The following BRD2 variants were observed in gnomAD, a reference collection of about 807,000 sequenced individuals.
The protein encoded by BRD2 is bromodomain-containing protein 2.
A neutral mutation model predicts 79.1 loss-of-function variants in BRD2; 15 were observed. The ratio of observed to expected loss-of-function variants is 0.19; its 90% CI spans 0.13 to 0.29. BRD2 has a LOEUF of 0.29. BRD2 is among the 10% of genes least tolerant of loss of function. The pLI, the probability that BRD2 is intolerant of heterozygous loss-of-function variation, is 1.00. For synonymous variants in BRD2, 488 were observed against 358.6 expected, an observed-to-expected ratio of 1.36 and a Z score of -4.08; for missense variants, 1,053 against 991.3, an observed-to-expected ratio of 1.06 and a Z score of -0.84.
rs375635536 is a variant in BRD2, at chr6:32,980,396, G to A, written c.2201G>A (p.Arg734Gln). ...GAGGAACTGGCTTTGGAGAAAAAGC[G>A]GGAATTAGAAAAGCGGTTACAAGAT... Reference protein sequence around the residue: ...TKEELALEKKRELEKRLQDVS... With the variant: ...TKEELALEKKQELEKRLQDVS... Residue 734 changes from arginine (R) to glutamine (Q), a missense_variant, in exon 12 of 13, where the codon CGG (arginine) becomes CAG (glutamine). Transcript: ENST00000374825. 35 of 1,612,924 alleles carry A rather than the reference G, an allele frequency of 2.2e-5. No individual in the cohort carries two copies. The highest frequency in any genetic ancestry group is 8.0e-5 in the African/African-American group (6 of 74,898).
chr6:32,975,624 G>C, intron 4 of BRD2, 103 bp downstream of exon 4: 2 of 1,446,776 alleles, frequency 1.4e-6, no homozygotes, highest in East Asian at 2.3e-5. Context: ...TGCTACTGAA[G>C]GTGTTATCCA....
At position 32,978,370 on chromosome 6, in the gene BRD2, C is replaced by T. The variant is rs1004239721; in HGVS notation, c.1823C>T (p.Ser608Phe). Residue 608 changes from serine to phenylalanine, a missense_variant, in exon 10 of 13, where the codon TCT becomes TTT. By Grantham distance (155) the Ser-to-Phe change is radical (BLOSUM62 -2). This residue lies in a region of BRD2 where 454 missense variants were observed against 430.5 expected (regional missense o/e 1.05). Transcript: ENST00000374825. ...TTAGGCCCTTCTGGCTTTGGACCTT[C>T]TGGAGGAAGTGGCACCAAGTGAGTT... The part of the protein sequence containing the change: ...AALGPSGFGP[S>F]GGSGTKLPKK... The T allele has an allele frequency of 6.2e-7, 1 of 1,612,478 alleles. No homozygotes were observed.
In BRD2 at chr6:32,977,096, G is replaced by C. The variant is rs1013428167; in HGVS notation, c.1200+160G>C. ...AGAAGGTCTGGTGTTTTGAGAATTTGTATTTCTTGGAGTTTGAAACAGTAG... is the reference window on the plus strand; with the variant it reads ...AGAAGGTCTGGTGTTTTGAGAATTTCTATTTCTTGGAGTTTGAAACAGTAG... On this transcript the variant is annotated intron_variant, in intron 7 of 12. Transcript: ENST00000374825. 3.5e-5 allele frequency: 44 copies of C among 1,255,728 alleles called. No homozygotes were observed. In the Middle Eastern group the frequency reaches 6.5e-4, roughly 19 times the overall value. The allele number at this position is 1,255,728 out of a possible 1,614,324, so 77.8% of individuals were successfully genotyped here. A position where few individuals can be genotyped will look rare whatever the true frequency, so the allele number is the denominator to read the frequency against.
chr6:32,978,569 CAG>C (rs1779087112), intron 10 of BRD2, 181 bp downstream of exon 10: 3 of 1,023,096 alleles, frequency 2.9e-6, no homozygotes, highest in Admixed American at 2.8e-5. Context: ...TTACCACAGA[CAG>C]GGTTTGAGGG....
At chr6:32,975,282 G>C in intron 3 of BRD2, 102 bp from the exon 4 acceptor site, 1 of 1,028,394 alleles carries the variant, frequency 9.7e-7, no homozygotes, top group Non-Finnish European at 1.4e-6. Flanking sequence ...GATGCATAGG[G>C]GGGGTGTGTG....
In BRD2 at chr6:32,980,284, G is replaced by T. The variant is rs1199705093; in HGVS notation, c.2147-58G>T. On this transcript the variant is annotated intron_variant, in intron 11 of 12. Coordinates refer to ENST00000374825, the MANE Select transcript of BRD2 (RefSeq NM_005104.4). ...AGAAGGGAACTTGGGAACCTTAGGGGCCCATAATAAGATGCTTGGGGCAAT... is the reference window on the plus strand; with the variant it reads ...AGAAGGGAACTTGGGAACCTTAGGGTCCCATAATAAGATGCTTGGGGCAAT... 5.6e-6 allele frequency: 9 copies of T among 1,603,138 alleles called. No homozygotes were observed. The East Asian group carries it at 6.7e-5, about 12-fold the overall frequency.
In BRD2 at chr6:32,972,240, A is replaced by G. The variant is rs1331181480; in HGVS notation, c.-659A>G. 3 of 482,466 alleles carry G rather than the reference A, an allele frequency of 6.2e-6. No individual in the cohort carries two copies. Among genetic ancestry groups the G allele is most frequent in the South Asian group, 2.0e-5 (1 of 49,874 alleles). The allele number at this position is 482,466 out of a possible 1,614,324, so 29.9% of individuals were successfully genotyped here. A position where few individuals can be genotyped will look rare whatever the true frequency, so the allele number is the denominator to read the frequency against. ...TGGAGCAGCCTCTAGAACGAGCTGG[A>G]GGATTCTGCCTACCGATACAGAGCC... On this transcript the variant is annotated 5_prime_UTR_variant, in exon 2 of 13. Coordinates refer to ENST00000374825, the MANE Select transcript of BRD2 (RefSeq NM_005104.4).
At chr6:32,975,285 G>GGGTGT (rs1778581394) in intron 3 of BRD2, 99 bp from the exon 4 acceptor site, 2 of 692,626 alleles carry the variant, frequency 2.9e-6, no homozygotes, top group Non-Finnish European at 4.5e-6. Flanking sequence ...GCATAGGGGG[G>GGGTGT]GTGTGTGTGT....
intron 1 of BRD2, chr6:32,969,263 T>G: frequency 2.9e-6 from 2 of 694,324 alleles, no homozygotes; most frequent in Non-Finnish European, 5.4e-6. Context: ...GCCTCATGCC[T>G]CCGTACCCAT....
rs1034465826 is a variant in BRD2, at chr6:32,981,426, A to G, written c.*708A>G. The G allele has an allele frequency of 6.6e-6, 1 of 152,234 alleles. No homozygotes were observed. The highest frequency in any genetic ancestry group is 1.5e-5 in the Non-Finnish European group (1 of 68,038). The allele number at this position is 152,234 out of a possible 1,614,324, so 9.4% of individuals were successfully genotyped here. On this transcript the variant is annotated 3_prime_UTR_variant, in exon 13 of 13. Transcript: ENST00000374825. ...AGTGAGAAAAGGCAATAGCTAACCTATAATTGGATTGTCTTAATTTTTAAA... is the reference window on the plus strand; with the variant it reads ...AGTGAGAAAAGGCAATAGCTAACCTGTAATTGGATTGTCTTAATTTTTAAA...
Position 32,972,922 on chromosome 6 carries a change from C to T in BRD2, c.24C>T (p.His8=), listed in dbSNP as rs554586362. 1.1e-5 allele frequency: 17 copies of T among 1,614,070 alleles called. No homozygotes were observed. The South Asian group carries it at 1.8e-4, about 17-fold the overall frequency. Residue 8 remains histidine, a synonymous_variant, in exon 2 of 13, where the codon CAC becomes CAT. Transcript: ENST00000374825. ...AGATGCTGCAAAACGTGACTCCCCA[C>T]AATAAGTACGTTTCCGCGAGCCGCG... MLQNVTP[H]NKLPGEGNAG... is the part of the protein sequence containing the mutation.
chr6:32,976,438 G>C lies in BRD2; in HGVS notation c.799G>C (p.Ala267Pro). The change falls in exon 6 of 13, where the codon GCT (alanine) becomes CCT (proline). Residue 267 changes from alanine (A) to proline (P), a missense_variant. Around this residue, in one of 5 missense-constraint regions of BRD2, gnomAD observed 413 missense variants for 335.1 expected, o/e 1.23. Coordinates refer to ENST00000374825, the MANE Select transcript of BRD2 (RefSeq NM_005104.4). Reference protein sequence around the residue: ...AGPPLLAVTAAPPAQPLAKKK... With the variant: ...AGPPLLAVTAPPPAQPLAKKK... ...ACCCCCGCTCCTTGCTGTTACTGCA[G>C]CTCCTCCAGCCCAGCCCCTTGCCAA... The C allele has an allele frequency of 6.2e-7, 1 of 1,611,048 alleles. No individual in the cohort carries two copies. The highest frequency in any genetic ancestry group is 1.1e-5 in the South Asian group (1 of 91,086).
In BRD2 at chr6:32,980,148, G is replaced by C. The variant is rs1026633834; in HGVS notation, c.2146+16G>C. ...AAGCCCTACAGTACGTATGAAATGA[G>C]GTTCATCTCATGGTTCTGAGGACAG... On this transcript the variant is annotated intron_variant, in intron 11 of 12. Transcript: ENST00000374825. The C allele has an allele frequency of 9.3e-6, 15 of 1,605,752 alleles. No individual in the cohort carries two copies. The highest frequency in any genetic ancestry group is 1.7e-5 in the Admixed American group (1 of 59,286).
intron 10 of BRD2, 192 bp downstream of exon 10, chr6:32,978,580 GGGATGGTTTTTGGGATGAAA>G: frequency 1.1e-6 from 1 of 917,884 alleles, no homozygotes. Flanking sequence ...AGGGTTTGAG[GGGATGGTTTTTGGGATGAAA>G]CTGTTCCACC....
rs1386264578 is a variant in BRD2 at position 32,980,912 on chromosome 6, A to T, written c.*194A>T. Reference sequence around the variant, plus strand: ...GAAGGAGGGACATGGACAAAACAACATTGAATTCCCAGCCCCATTGGGGAG... The same window carrying T: ...GAAGGAGGGACATGGACAAAACAACTTTGAATTCCCAGCCCCATTGGGGAG... On this transcript the variant is annotated 3_prime_UTR_variant, in exon 13 of 13. Coordinates refer to ENST00000374825, the MANE Select transcript of BRD2 (RefSeq NM_005104.4). 4.6e-6 allele frequency: 3 copies of T among 646,506 alleles called. No homozygotes were observed. Among genetic ancestry groups the T allele is most frequent in the Non-Finnish European group, 7.8e-6 (3 of 382,920 alleles). 40.0% of individuals were successfully genotyped at this position (646,506 alleles called of 1,614,324 possible).
intron 10 of BRD2, 78 bp downstream of exon 10, chr6:32,978,466 A>G: frequency 6.5e-7 from 1 of 1,546,360 alleles, no homozygotes; most frequent in Non-Finnish European, 8.7e-7. Context: ...TTGCAAAGAT[A>G]ATTCTAAATG....
At chr6:32,979,200 C>T (rs760042585) in intron 10 of BRD2, 6 of 158,804 alleles carry the variant, frequency 3.8e-5, no homozygotes, top group South Asian at 1.3e-4. Flanking sequence ...TACAGGCATG[C>T]GCCACCACGC....
At position 32,978,386 on chromosome 6, in the gene BRD2, C is replaced by T; in HGVS notation, c.1839C>T (p.Thr613=). 2 of 1,611,800 alleles carry T rather than the reference C, an allele frequency of 1.2e-6. No individual in the cohort carries two copies. The highest frequency in any genetic ancestry group is 1.7e-6 in the Non-Finnish European group (2 of 1,179,556). The change falls in exon 10 of 13, where the codon ACC becomes ACT. Residue 613 remains threonine, a splice_region_variant and synonymous_variant. Coordinates refer to ENST00000374825, the MANE Select transcript of BRD2 (RefSeq NM_005104.4). The stretch of plus-strand genomic sequence containing the variant: ...TTGGACCTTCTGGAGGAAGTGGCAC[C>T]AAGTGAGTTAGAGTAGGAAGCAGAG... The part of the protein sequence containing the change: ...SGFGPSGGSG[T]KLPKKATKTA...
Position 32,981,341 on chromosome 6 carries a change from A to G in BRD2, c.*623A>G, listed in dbSNP as rs1346536535. ...GAGTTACCTTAATATTTGCTTTTGT[A>G]GTGTTTCAAAAGGAACATCATAAGA... On this transcript the variant is annotated 3_prime_UTR_variant, in exon 13 of 13. Coordinates refer to ENST00000374825, the MANE Select transcript of BRD2 (RefSeq NM_005104.4). 1 of 152,200 alleles carries G rather than the reference A, an allele frequency of 6.6e-6. No homozygotes were observed. The highest frequency in any genetic ancestry group is 6.5e-5 in the Admixed American group (1 of 15,290). 9.4% of individuals were successfully genotyped at this position (152,200 alleles called of 1,614,324 possible). A position where few individuals can be genotyped will look rare whatever the true frequency, so the allele number is the denominator to read the frequency against.
Sources: gnomAD v4.1 joint callset for allele counts on GRCh38, gnomAD v4.1.1 for gene constraint, gnomAD v4.1.1 regional missense constraint, MANE v1.5 for transcripts, NCBI Gene and HGNC (gene_info 2026-07-23, HGNC 2026-07-21) for gene names.